The following RUNX1 variants were observed in gnomAD, a reference collection of about 807,000 sequenced individuals.
The protein encoded by RUNX1 is runt-related transcription factor 1.
RUNX1 carries 19 observed loss-of-function variants against 42.8 expected under a neutral mutation model. The ratio of observed to expected loss-of-function variants is 0.44; its 90% CI spans 0.31 to 0.65. The LOEUF is 0.65. Ranked by LOEUF, RUNX1 falls within the 30% of genes least tolerant of loss-of-function variation. The pLI, the probability that RUNX1 is intolerant of heterozygous loss-of-function variation, is 0.07. For synonymous variants in RUNX1, 271 were observed against 289.4 expected (o/e 0.94, Z 0.64); for missense variants, 528 against 672.0 (o/e 0.79, Z 2.37).
At chr21:34,824,226 C>G (rs1338764787) in intron 7 of RUNX1, among the ~76,000 whole-genome samples, 1 of 152,172 alleles carries the variant, frequency 6.6e-6, no homozygotes, top group East Asian at 1.9e-4. Context: ...AAAACTCAAC[C>G]TGAAGACTTT....
intron 2 of RUNX1, among the ~76,000 whole-genome samples, chr21:35,040,338 CT>C (rs1480916452): frequency 6.6e-6 from 1 of 152,198 alleles, no homozygotes; most frequent in Non-Finnish European, 1.5e-5. Context: ...GACCTAAACT[CT>C]CTTTTGCACA....
rs377566009 is a variant in RUNX1 at position 34,931,336 on chromosome 21, TTA to T, written c.59-38375_59-38374del. Among the ~76,000 whole-genome samples the T allele has an allele frequency of 2.5e-3, 361 of 143,330 alleles. 1 individual carries two copies. The highest frequency in any genetic ancestry group is 8.9e-3 in the African/African-American group (338 of 38,120). The allele number at this position is 143,330 out of a possible 152,430, so 94.0% of individuals were successfully genotyped here. On this transcript the variant is annotated intron_variant, in intron 2 of 8. Coordinates refer to ENST00000675419, the MANE Select transcript of RUNX1 (RefSeq NM_001754.5). ...ACATGCATTATATATATATACACAT[TTA>T]TATATATATATACATGTGTATATAT...
intron 2 of RUNX1, among the ~76,000 whole-genome samples, chr21:34,961,659 C>T (rs1000630639): frequency 6.6e-6 from 1 of 152,156 alleles, no homozygotes; most frequent in Non-Finnish European, 1.5e-5. Context: ...AATAACGACA[C>T]CTGGCCGTAA....
intron 2 of RUNX1, among the ~76,000 whole-genome samples, chr21:34,966,020 C>G (rs1338411233): frequency 6.6e-6 from 1 of 151,708 alleles, no homozygotes; most frequent in Non-Finnish European, 1.5e-5. Flanking sequence ...TCCTGTGGGT[C>G]TCTGATGTCC....
chr21:34,874,497 C>G (rs2057785035), intron 5 of RUNX1, among the ~76,000 whole-genome samples: 1 of 149,478 alleles, frequency 6.7e-6, no homozygotes, highest in East Asian at 2.0e-4. Flanking sequence ...TAATCCCCAG[C>G]TACTTGGGAG....
intron 2 of RUNX1, among the ~76,000 whole-genome samples, chr21:34,962,886 T>C (rs2058691353): frequency 6.6e-6 from 1 of 152,226 alleles, no homozygotes. Context: ...AAAATCTGAA[T>C]ATGTATTCTT....
At chr21:34,921,043 G>A (rs907732215) in intron 2 of RUNX1, among the ~76,000 whole-genome samples, 4 of 152,092 alleles carry the variant, frequency 2.6e-5, no homozygotes, top group African/African-American at 7.2e-5. Flanking sequence ...ATTTTTAGTA[G>A]AGTCGGGGTT....
At chr21:34,919,168 G>C (rs2058335023) in intron 2 of RUNX1, among the ~76,000 whole-genome samples, 2 of 152,192 alleles carry the variant, frequency 1.3e-5, no homozygotes, top group African/African-American at 4.8e-5. Flanking sequence ...AGCTGGAGGA[G>C]CTGGGATTGA....
chr21:34,792,125 G>C lies in RUNX1; in HGVS notation c.*10C>G. On this transcript the variant is annotated 3_prime_UTR_variant, in exon 9 of 9. Coordinates refer to ENST00000675419, the MANE Select transcript of RUNX1 (RefSeq NM_001754.5). The surrounding 1 kb of genome is among the most constrained non-coding windows in gnomAD (Gnocchi z 6.9). ...GGCCCGCGGGGCCCAGCCGGGCCAG[G>C]CCTGGCGCCTCAGTAGGGCCTCCAC... The C allele has an allele frequency of 7.0e-7, 1 of 1,426,856 alleles. No individual in the cohort carries two copies. Among genetic ancestry groups the C allele is most frequent in the Non-Finnish European group, 9.1e-7 (1 of 1,099,502 alleles). The allele number at this position is 1,426,856 out of a possible 1,614,324, so 88.4% of individuals were successfully genotyped here.
intron 2 of RUNX1, among the ~76,000 whole-genome samples, chr21:35,006,540 G>C (rs987309831): frequency 6.6e-6 from 1 of 152,176 alleles, no homozygotes; most frequent in Admixed American, 6.5e-5. Context: ...CCATTCTGCT[G>C]GTTGACTTTG....
intron 2 of RUNX1, among the ~76,000 whole-genome samples, chr21:35,011,739 C>T (rs2146913702): frequency 6.6e-6 from 1 of 152,286 alleles, no homozygotes; most frequent in South Asian, 2.1e-4. Flanking sequence ...GACAAGAATT[C>T]TTGCTAATTA....
chr21:34,996,286 A>G (rs60369602), intron 2 of RUNX1, among the ~76,000 whole-genome samples: 22,109 of 152,004 alleles, frequency 0.15, 1,769 homozygotes, highest in Admixed American at 0.22. Flanking sequence ...ACTCTGCCTA[A>G]GAGGGGATGA....
intron 2 of RUNX1, among the ~76,000 whole-genome samples, chr21:35,033,494 T>A (rs989052948): frequency 2.6e-5 from 4 of 152,192 alleles, no homozygotes; most frequent in Non-Finnish European, 4.4e-5. Context: ...GGATTCCTGT[T>A]CTCTGTCCCT....
chr21:34,957,053 C>T (rs2058649555), intron 2 of RUNX1, among the ~76,000 whole-genome samples: 2 of 152,068 alleles, frequency 1.3e-5, no homozygotes, highest in African/African-American at 4.8e-5. Flanking sequence ...GATCTGATGC[C>T]AGGGAAAGGT....
chr21:34,825,741 T>G (rs2056977704), intron 7 of RUNX1, among the ~76,000 whole-genome samples: 1 of 152,202 alleles, frequency 6.6e-6, no homozygotes, highest in Admixed American at 6.5e-5. Context: ...TGACCTTATT[T>G]GGAAAAGGGC....
At chr21:34,844,639 T>A (rs2057290665) in intron 6 of RUNX1, among the ~76,000 whole-genome samples, 2 of 152,196 alleles carry the variant, frequency 1.3e-5, no homozygotes, top group Admixed American at 1.3e-4. Context: ...GGACTAGATT[T>A]ATTCTGGAAT....
chr21:35,006,800 C>A (rs916985030), intron 2 of RUNX1, among the ~76,000 whole-genome samples: 3 of 152,158 alleles, frequency 2.0e-5, no homozygotes, highest in Non-Finnish European at 4.4e-5. Context: ...GAGCCTGAAT[C>A]AAGGCCTGCC....
chr21:34,802,441 C>G (rs943539385), intron 7 of RUNX1, among the ~76,000 whole-genome samples: 2 of 152,354 alleles, frequency 1.3e-5, no homozygotes, highest in African/African-American at 4.8e-5. Flanking sequence ...AGGCATCTTC[C>G]TGTGGCATTA....
At chr21:34,839,787 G>A (rs995804433) in intron 6 of RUNX1, among the ~76,000 whole-genome samples, 2 of 152,188 alleles carry the variant, frequency 1.3e-5, no homozygotes, top group African/African-American at 4.8e-5. Flanking sequence ...ATATCTGCAT[G>A]AGAGGGAGAG....
Sources: gnomAD v4.1 joint callset for allele counts (sites outside exome capture counted in the v4.1 genomes callset) on GRCh38, gnomAD v4.1.1 for gene constraint, Gnocchi (gnomAD v3.1) non-coding constraint, MANE v1.5 for transcripts, NCBI Gene and HGNC (gene_info 2026-07-23, HGNC 2026-07-21) for gene names.